CFAP52: variants seen among roughly 807,000 people sequenced by gnomAD.
CFAP52 encodes the protein cilia and flagella associated protein 52.
Under a neutral mutation model 70.5 loss-of-function variants are expected in CFAP52, and 57 were observed. That is an observed-to-expected ratio of 0.81 (90% CI 0.65 to 1.01). The LOEUF is 1.01. Ranked by LOEUF, CFAP52 falls within the 50% of genes least tolerant of loss-of-function variation. The pLI is 0.00. For synonymous variants in CFAP52, 267 were observed against 292.5 expected (o/e 0.91, Z 0.89); for missense variants, 785 against 788.5 (o/e 1.00, Z 0.05).
At chr17:9,642,378 C>G (rs2151955191) in intron 13 of CFAP52, among the ~76,000 whole-genome samples, 1 of 152,242 alleles carries the variant, frequency 6.6e-6, no homozygotes, top group East Asian at 1.9e-4. Context: ...AATCCTAGCA[C>G]TTTGGGAGGC....
chr17:9,588,884 C>A (rs1312073980), intron 3 of CFAP52, among the ~76,000 whole-genome samples: 1 of 151,498 alleles, frequency 6.6e-6, no homozygotes, highest in Non-Finnish European at 1.5e-5. Flanking sequence ...AGGCAGATCA[C>A]CTGAGGTCAG....
At chr17:9,616,314 G>A (rs1426957248) in intron 8 of CFAP52, among the ~76,000 whole-genome samples, 3 of 127,076 alleles carry the variant, frequency 2.4e-5, no homozygotes, top group Admixed American at 1.6e-4. Flanking sequence ...GGCGCACCAC[G>A]AGACTATATC....
chr17:9,590,133 C>T (rs1908681733), intron 3 of CFAP52: 2 of 201,576 alleles, frequency 9.9e-6, no homozygotes, highest in Admixed American at 9.2e-5. Context: ...AGCTGTGATA[C>T]GTGTGGTGAT....
chr17:9,631,074 G>GAAAGAAAGAAAT, intron 9 of CFAP52, among the ~76,000 whole-genome samples: 1 of 133,216 alleles, frequency 7.5e-6, no homozygotes, highest in South Asian at 2.4e-4. Flanking sequence ...AAGAAAGAAA[G>GAAAGAAAGAAAT]AAAGAAAGAG....
intron 6 of CFAP52, among the ~76,000 whole-genome samples, chr17:9,601,542 T>C (rs1909269388): frequency 6.6e-6 from 1 of 152,214 alleles, no homozygotes; most frequent in Non-Finnish European, 1.5e-5. Context: ...TGCTCTTTGA[T>C]CTATAAAACT....
At chr17:9,645,536 C>G (rs1370871349), downstream of CFAP52, 59 of 1,096,082 alleles carry the variant, frequency 5.4e-5, no homozygotes, top group Non-Finnish European at 6.5e-5. The surrounding 1 kb of genome is among the most constrained non-coding windows in gnomAD (Gnocchi z 6.8). Flanking sequence ...CCGCAGGTAG[C>G]CGGCACCAGG....
At chr17:9,606,223 AG>A (rs1909483402) in intron 6 of CFAP52, among the ~76,000 whole-genome samples, 1 of 152,030 alleles carries the variant, frequency 6.6e-6, no homozygotes, top group Admixed American at 6.6e-5. Context: ...TTCTGTGAAA[AG>A]TTTTTAAAAA....
chr17:9,644,646 AT>A (rs1370967924), downstream of CFAP52: 2 of 152,114 alleles, frequency 1.3e-5, no homozygotes, highest in Admixed American at 6.5e-5. Flanking sequence ...GGCCAAACTA[AT>A]TCTGATTGGG....
At chr17:9,579,220 GGA>G (rs993445896) in intron 1 of CFAP52, among the ~76,000 whole-genome samples, 4 of 152,100 alleles carry the variant, frequency 2.6e-5, no homozygotes, top group East Asian at 1.9e-4. Flanking sequence ...AAAAAAAGAG[GGA>G]GAGAGAGAAA....
chr17:9,635,272 C>A, intron 10 of CFAP52, 133 bp from the exon 11 acceptor site: 1 of 1,261,320 alleles, frequency 7.9e-7, no homozygotes, highest in Non-Finnish European at 1.1e-6. Context: ...ACACCCCACC[C>A]AACCGAGACA....
intron 8 of CFAP52, among the ~76,000 whole-genome samples, chr17:9,622,703 G>T (rs952205634): frequency 6.6e-6 from 1 of 152,100 alleles, no homozygotes; most frequent in Non-Finnish European, 1.5e-5. Flanking sequence ...AATGGAGTTT[G>T]TATTGAAGTA....
chr17:9,640,352 C>T (rs1173850765), intron 12 of CFAP52, among the ~76,000 whole-genome samples: 1 of 151,710 alleles, frequency 6.6e-6, no homozygotes, highest in Non-Finnish European at 1.5e-5. Flanking sequence ...CGGTATTAAG[C>T]CCTGCATGCA....
rs1252710668 is a variant in CFAP52, at chr17:9,630,471, C to G, written c.1174+1651C>G. Among the ~76,000 whole-genome samples, 3 of 147,564 alleles carry G rather than the reference C, an allele frequency of 2.0e-5. No homozygotes were observed. In the East Asian group the frequency reaches 6.3e-4, roughly 31 times the overall value. ...AAGAGACGGAGTCTTTTTCTGTCTC[C>G]CAGGCTGGAGTGCGGTGGCGCGATC... On this transcript the variant is annotated intron_variant, in intron 9 of 13. Transcript: ENST00000352665.
rs1230385267 is a variant in CFAP52, at chr17:9,585,595, C to T, written c.71-178C>T. ...CTGAAGCAGGAGAATCACTTGAACCCAGGAGGTGAAGGTTGCAGTGAGCCC... is the reference window on the plus strand; with the variant it reads ...CTGAAGCAGGAGAATCACTTGAACCTAGGAGGTGAAGGTTGCAGTGAGCCC... On this transcript the variant is annotated intron_variant, in intron 1 of 13. Coordinates refer to ENST00000352665, the MANE Select transcript of CFAP52 (RefSeq NM_145054.5). Among the ~76,000 whole-genome samples the T allele has an allele frequency of 4.0e-5, 4 of 100,056 alleles. No individual in the cohort carries two copies. The East Asian group carries it at 9.0e-4, about 23-fold the overall frequency. 65.6% of individuals were successfully genotyped at this position (100,056 alleles called of 152,430 possible).
At chr17:9,634,349 A>G (rs1042198066) in intron 10 of CFAP52, among the ~76,000 whole-genome samples, 10 of 152,198 alleles carry the variant, frequency 6.6e-5, no homozygotes, top group African/African-American at 1.9e-4. Flanking sequence ...TCCTTTGTCC[A>G]TTAAAGGAAT....
At chr17:9,635,579 A>T (rs1013903960) in intron 11 of CFAP52, 23 bp downstream of exon 11, 1 of 1,613,890 alleles carries the variant, frequency 6.2e-7, no homozygotes, top group South Asian at 1.1e-5. Flanking sequence ...GATGGGGAGG[A>T]TGCAGTGATA....
At chr17:9,591,988 T>C (rs375643778) in intron 3 of CFAP52, among the ~76,000 whole-genome samples, 20 of 152,354 alleles carry the variant, frequency 1.3e-4, no homozygotes, top group African/African-American at 4.8e-4. Flanking sequence ...ATGACTCTTA[T>C]ATCCCCCTCA....
chr17:9,594,094 G>T, intron 3 of CFAP52, 99 bp from the exon 4 acceptor site: 2 of 1,450,154 alleles, frequency 1.4e-6, no homozygotes, highest in South Asian at 3.1e-5. Context: ...GTAACCTGTT[G>T]TGTTTTTTTC....
chr17:9,638,245 A>G (rs1199890648), intron 11 of CFAP52, among the ~76,000 whole-genome samples: 1 of 152,206 alleles, frequency 6.6e-6, no homozygotes, highest in Non-Finnish European at 1.5e-5. Context: ...TGGTGGCCTC[A>G]GGACTCAAGT....
Sources: allele counts gnomAD v4.1 joint callset (sites outside exome capture counted in the v4.1 genomes callset), GRCh38; gene constraint gnomAD v4.1.1; non-coding constraint Gnocchi (gnomAD v3.1); transcripts MANE v1.5; gene names NCBI Gene and HGNC (gene_info 2026-07-23, HGNC 2026-07-21).